The following TUSC3 variants were observed in gnomAD, a reference collection of about 807,000 sequenced individuals.
TUSC3 encodes the protein tumor suppressor candidate 3.
Under a neutral mutation model 44.8 loss-of-function variants are expected in TUSC3, and 45 were observed. The observed-to-expected ratio is 1.00, with a 90% confidence interval of 0.79 to 1.29. TUSC3 has a LOEUF of 1.29. TUSC3 is among the 50% of genes most tolerant of loss of function. The pLI is 0.00. For synonymous variants in TUSC3, 212 were observed against 152.9 expected (o/e 1.39, Z -2.85); for missense variants, 519 against 437.9 (o/e 1.19, Z -1.65).
At chr8:15,762,609 G>C (rs76975106) in intron 10 of TUSC3, among the ~76,000 whole-genome samples, 3,785 of 152,118 alleles carry the variant, frequency 0.025, 153 homozygotes, top group African/African-American at 0.084. Flanking sequence ...GAAATCTGCA[G>C]AGCCTTTAAA....
At chr8:15,521,615 C>A (rs1471365545) in intron 2 of TUSC3, among the ~76,000 whole-genome samples, 1 of 151,810 alleles carries the variant, frequency 6.6e-6, no homozygotes, top group Non-Finnish European at 1.5e-5. Flanking sequence ...GGTAATTACC[C>A]CCCCCAAAAA....
chr8:15,443,097 G>T (rs914739967), intron 1 of TUSC3, among the ~76,000 whole-genome samples: 13 of 152,050 alleles, frequency 8.5e-5, no homozygotes, highest in Non-Finnish European at 1.9e-4. Context: ...GTATACTGAA[G>T]TCTCTCTCCC....
intron 6 of TUSC3, among the ~76,000 whole-genome samples, chr8:15,682,996 A>G (rs1808487674): frequency 6.6e-6 from 1 of 152,010 alleles, no homozygotes; most frequent in Non-Finnish European, 1.5e-5. Flanking sequence ...TCTGGCTTGT[A>G]TGTTTTCTGA....
At chr8:15,682,804 G>A (rs1448840581) in intron 6 of TUSC3, among the ~76,000 whole-genome samples, 4 of 145,712 alleles carry the variant, frequency 2.7e-5, no homozygotes, top group African/African-American at 5.0e-5. Flanking sequence ...TCCATGTCTA[G>A]AACTTTCTTT....
chr8:15,823,806 C>T, the TUSC3 span, among the ~76,000 whole-genome samples: 2 of 91,900 alleles, frequency 2.2e-5, no homozygotes, highest in South Asian at 3.3e-4. Context: ...AGTGAGTTAA[C>T]GATAACACCT....
intron 4 of TUSC3, among the ~76,000 whole-genome samples, chr8:15,660,220 A>G (rs902358200): frequency 3.3e-5 from 5 of 152,080 alleles, no homozygotes; most frequent in African/African-American, 4.8e-5. Flanking sequence ...ATTGGGAAAA[A>G]TTGAATATAA....
At chr8:15,748,121 C>T (rs181895077) in intron 8 of TUSC3, among the ~76,000 whole-genome samples, 10 of 151,984 alleles carry the variant, frequency 6.6e-5, no homozygotes, top group Admixed American at 6.6e-4. Context: ...TTAGATCAGT[C>T]AATTTTGTTG....
chr8:15,500,407 C>A (rs1275901304), intron 2 of TUSC3, among the ~76,000 whole-genome samples: 1 of 152,164 alleles, frequency 6.6e-6, no homozygotes, highest in Non-Finnish European at 1.5e-5. Flanking sequence ...CTATAGTCAT[C>A]ACATTTTTAA....
intron 6 of TUSC3, among the ~76,000 whole-genome samples, chr8:15,717,938 A>G (rs1411232008): frequency 1.3e-5 from 2 of 152,136 alleles, no homozygotes; most frequent in African/African-American, 4.8e-5. Context: ...TTGCATGATT[A>G]GACATTTTTA....
At chr8:15,522,569 T>A (rs116082215) in intron 2 of TUSC3, among the ~76,000 whole-genome samples, 5,711 of 149,384 alleles carry the variant, frequency 0.038, 163 homozygotes, top group East Asian at 0.088. Flanking sequence ...CTTGAGACAG[T>A]AGTCACGATC....
the TUSC3 span, among the ~76,000 whole-genome samples, chr8:15,824,116 T>C: frequency 6.6e-6 from 1 of 152,208 alleles, no homozygotes; most frequent in East Asian, 1.9e-4. Context: ...GCCCAGTAAG[T>C]GCAGAGTGGC....
chr8:15,621,780 T>A (rs914581912), intron 1 of TUSC3, among the ~76,000 whole-genome samples: 24 of 147,940 alleles, frequency 1.6e-4, no homozygotes, highest in South Asian at 6.4e-4. Context: ...TTGGGTCTTT[T>A]AAAAAAAAAA....
At chr8:15,614,907 C>A (rs909432928) in intron 1 of TUSC3, among the ~76,000 whole-genome samples, 2 of 139,690 alleles carry the variant, frequency 1.4e-5, no homozygotes, top group African/African-American at 2.7e-5. Context: ...TATACAAGTA[C>A]AGCTATTCAG....
chr8:15,573,198 C>CTG (rs1260702049), intron 1 of TUSC3, among the ~76,000 whole-genome samples: 2 of 101,558 alleles, frequency 2.0e-5, no homozygotes, highest in African/African-American at 4.0e-5. Context: ...CTCTCTCTCT[C>CTG]TCTCTATATA....
At chr8:15,616,927 C>T (rs952963909) in intron 1 of TUSC3, among the ~76,000 whole-genome samples, 2 of 152,130 alleles carry the variant, frequency 1.3e-5, no homozygotes, top group African/African-American at 2.4e-5. Flanking sequence ...AGCATGAGAC[C>T]AGCATGGCCG....
At chr8:15,619,975 T>C (rs1805171027) in intron 1 of TUSC3, among the ~76,000 whole-genome samples, 1 of 152,120 alleles carries the variant, frequency 6.6e-6, no homozygotes, top group Non-Finnish European at 1.5e-5. Context: ...GGCATGAGAA[T>C]CCCTTGAACC....
chr8:15,463,005 TCTC>T (rs1231104147), intron 1 of TUSC3, among the ~76,000 whole-genome samples: 2 of 152,116 alleles, frequency 1.3e-5, no homozygotes, highest in Admixed American at 1.3e-4. Flanking sequence ...TTTGTTCTCT[TCTC>T]TTTATTTTCT....
chr8:15,659,783 C>T (rs1563158869), intron 4 of TUSC3, 136 bp downstream of exon 4: 1 of 1,122,812 alleles, frequency 8.9e-7, no homozygotes, highest in East Asian at 2.5e-5. Context: ...TGTTCGATTA[C>T]TGCAAATGAT....
chr8:15,771,753 A>T, the TUSC3 span, among the ~76,000 whole-genome samples: 1 of 152,132 alleles, frequency 6.6e-6, no homozygotes, highest in Non-Finnish European at 1.5e-5. Flanking sequence ...ACAAAAAGGA[A>T]TGTTCAGAGG....
Sources: allele counts gnomAD v4.1 joint callset (sites outside exome capture counted in the v4.1 genomes callset), GRCh38; gene constraint gnomAD v4.1.1; transcripts MANE v1.5; gene names NCBI Gene and HGNC (gene_info 2026-07-23, HGNC 2026-07-21).